Variants in DCAF12 observed in about 807,000 individuals in gnomAD.
DCAF12 encodes the protein DDB1- and CUL4-associated factor 12.
Under a neutral mutation model 52.8 loss-of-function variants are expected in DCAF12, and 28 were observed. The ratio of observed to expected loss-of-function variants is 0.53; its 90% confidence interval spans 0.39 to 0.73. The LOEUF (loss-of-function observed/expected upper bound fraction) is 0.73. Among genes scored for constraint, DCAF12 ranks in the 30% least tolerant of loss-of-function variants. The pLI, the probability that DCAF12 is intolerant of heterozygous loss-of-function variation, is 0.00. For synonymous variants in DCAF12, 196 were observed against 215.5 expected (o/e 0.91, Z 0.79); for missense variants, 425 against 552.2 (o/e 0.77, Z 2.31).
chr9:34,091,372 G>A (rs1183917698), intron 7 of DCAF12, among the ~76,000 whole-genome samples: 2 of 151,838 alleles, frequency 1.3e-5, no homozygotes, highest in Non-Finnish European at 2.9e-5. Flanking sequence ...AGTGGCTCAC[G>A]GCTGTAATCC....
intron 4 of DCAF12, among the ~76,000 whole-genome samples, chr9:34,101,505 A>C (rs1225817883): frequency 6.6e-6 from 1 of 151,540 alleles, no homozygotes; most frequent in African/African-American, 2.4e-5. Flanking sequence ...TGATTCTCCT[A>C]CCTCAGCCTT....
intron 2 of DCAF12, among the ~76,000 whole-genome samples, chr9:34,123,057 T>C (rs1829199132): frequency 6.6e-6 from 1 of 152,238 alleles, no homozygotes; most frequent in South Asian, 2.1e-4. Context: ...AATATGACTT[T>C]ATTGTTATTA....
At chr9:34,125,455 A>G in intron 1 of DCAF12, 178 bp from the exon 2 acceptor site, 2 of 735,418 alleles carry the variant, frequency 2.7e-6, no homozygotes, top group Non-Finnish European at 4.5e-6. Context: ...CCAACATTAA[A>G]AAGATGTTGC....
At chr9:34,116,686 T>A (rs1184353398) in intron 2 of DCAF12, among the ~76,000 whole-genome samples, 4 of 145,538 alleles carry the variant, frequency 2.7e-5, no homozygotes, top group African/African-American at 5.1e-5. Context: ...AATAATAAAT[T>A]AATAAATAAA....
intron 1 of DCAF12, chr9:34,125,524 G>A: frequency 1.6e-6 from 1 of 607,878 alleles, no homozygotes; most frequent in Non-Finnish European, 3.1e-6. Context: ...AATGAATGCA[G>A]AATAGAACAG....
At chr9:34,091,103 G>T (rs1828636038) in intron 7 of DCAF12, among the ~76,000 whole-genome samples, 2 of 151,998 alleles carry the variant, frequency 1.3e-5, no homozygotes, top group Admixed American at 6.6e-5. Flanking sequence ...AAGGTGAGTG[G>T]ATCACTTGAG....
At chr9:34,107,263 C>T in intron 3 of DCAF12, 96 bp downstream of exon 3, 1 of 1,231,626 alleles carries the variant, frequency 8.1e-7, no homozygotes, top group Non-Finnish European at 1.2e-6. Flanking sequence ...GGAGTCCAGT[C>T]CCCACTCTGG....
intron 2 of DCAF12, among the ~76,000 whole-genome samples, chr9:34,120,072 G>A (rs1829147603): frequency 6.6e-6 from 1 of 151,340 alleles, no homozygotes; most frequent in East Asian, 1.9e-4. Flanking sequence ...GCTTGGTGGT[G>A]GGCGCCTATA....
intron 2 of DCAF12, among the ~76,000 whole-genome samples, chr9:34,124,469 T>C (rs1829217791): frequency 6.6e-6 from 1 of 152,226 alleles, no homozygotes; most frequent in African/African-American, 2.4e-5. Flanking sequence ...AAAAGGCTAC[T>C]TTCCAAAGAG....
intron 4 of DCAF12, among the ~76,000 whole-genome samples, chr9:34,104,441 T>G (rs369198546): frequency 1.2e-4 from 18 of 152,084 alleles, no homozygotes; most frequent in African/African-American, 4.3e-4. Context: ...GTTGGAAAGA[T>G]AGGTGTGGGC....
chr9:34,105,050 T>C (rs1420313056), intron 4 of DCAF12, among the ~76,000 whole-genome samples: 1 of 149,410 alleles, frequency 6.7e-6, no homozygotes, highest in Non-Finnish European at 1.5e-5. Context: ...GTCAGGAGTT[T>C]GAGACCAGCC....
At chr9:34,107,607 C>G in intron 2 of DCAF12, 42 bp from the exon 3 acceptor site, 2 of 1,573,068 alleles carry the variant, frequency 1.3e-6, no homozygotes, top group Middle Eastern at 1.7e-4. Context: ...ATAAATTTAA[C>G]GTGGCCAATA....
In DCAF12 at chr9:34,088,024, G is replaced by GAAATA. The variant is rs56140730; in HGVS notation, c.*325_*326insTATTT. The GAAATA allele has an allele frequency of 1.5e-3, 275 of 180,154 alleles. 7 individuals carry two copies. Among genetic ancestry groups the GAAATA allele is most frequent in the Admixed American group, 0.013 (235 of 17,776 alleles). The allele number at this position is 180,154 out of a possible 1,614,324, so 11.2% of individuals were successfully genotyped here. A position where few individuals can be genotyped will look rare whatever the true frequency, so the allele number is the denominator to read the frequency against. Reference sequence around the variant, plus strand: ...CCTCTCAAGAGTGAAGTAAGGGTGAGCTATGTCATTTCAGCCTGAAGAAGC... The same window carrying GAAATA: ...CCTCTCAAGAGTGAAGTAAGGGTGAGAAATACTATGTCATTTCAGCCTGAAGAAGC... On this transcript the variant is annotated 3_prime_UTR_variant, in exon 9 of 9. Coordinates refer to ENST00000361264, the MANE Select transcript of DCAF12 (RefSeq NM_015397.4).
intron 2 of DCAF12, among the ~76,000 whole-genome samples, chr9:34,121,826 C>T (rs541157324): frequency 1.4e-4 from 21 of 152,126 alleles, no homozygotes; most frequent in African/African-American, 4.8e-4. Context: ...ACCTGTAATC[C>T]CAGCTACTCA....
rs1829256061 is a variant in DCAF12, at chr9:34,126,630, A to AGGGAAG, written c.-205_-200dup. On this transcript the variant is annotated 5_prime_UTR_variant, in exon 1 of 9. Transcript: ENST00000361264. ...AGAGAGGAAGGACTTGAGCCGGGAA[A>AGGGAAG]GGGAAGGGGAAGCGAGAATGAGCGG... The AGGGAAG allele has an allele frequency of 4.8e-6, 3 of 624,654 alleles. No individual in the cohort carries two copies. In the South Asian group the frequency reaches 6.4e-5, roughly 13 times the overall value. The allele number at this position is 624,654 out of a possible 1,614,324, so 38.7% of individuals were successfully genotyped here.
intron 8 of DCAF12, 23 bp from the exon 9 acceptor site, chr9:34,088,531 C>A (rs759823932): frequency 1.9e-6 from 3 of 1,613,638 alleles, no homozygotes; most frequent in East Asian, 4.5e-5. Context: ...AAAGAGACTA[C>A]AATTAGCACC....
intron 5 of DCAF12, 67 bp from the exon 6 acceptor site, chr9:34,096,848 C>T (rs1043504065): frequency 6.1e-6 from 9 of 1,472,388 alleles, no homozygotes; most frequent in South Asian, 1.1e-5. Flanking sequence ...AATAAGCAGG[C>T]GAGGATTCTA....
intron 6 of DCAF12, among the ~76,000 whole-genome samples, chr9:34,094,798 G>A (rs915890849): frequency 1.3e-5 from 2 of 152,036 alleles, no homozygotes; most frequent in African/African-American, 4.8e-5. Flanking sequence ...CCAAAGTGCT[G>A]GGATTATAGG....
rs775540224 is a variant in DCAF12 at position 34,126,185 on chromosome 9, C to T, written c.78+169G>A. 8.5e-5 allele frequency among the ~76,000 whole-genome samples: 13 copies of T among 152,354 alleles called. No homozygotes were observed. The Middle Eastern group carries it at 0.01, about 120-fold the overall frequency. ...GCTCCTCACCGCCCTGGCCTATCTG[C>T]CCTCCAGTTAACGAGGGTCCAGTCC... is the stretch of plus-strand genomic sequence containing the variant. On this transcript the variant is annotated intron_variant, in intron 1 of 8. Coordinates refer to ENST00000361264, the MANE Select transcript of DCAF12 (RefSeq NM_015397.4).
Sources: allele counts gnomAD v4.1 joint callset (sites outside exome capture counted in the v4.1 genomes callset), GRCh38; gene constraint gnomAD v4.1.1; transcripts MANE v1.5; gene names NCBI Gene and HGNC (gene_info 2026-07-23, HGNC 2026-07-21).